HNRNPC: variants seen among roughly 807,000 people sequenced by gnomAD.
HNRNPC encodes the protein heterogeneous nuclear ribonucleoproteins C1/C2.
HNRNPC carries 3 observed loss-of-function variants against 33.2 expected under a neutral mutation model. The ratio of observed to expected loss-of-function variants is 0.09; its 90% CI spans 0.04 to 0.23. The LOEUF (loss-of-function observed/expected upper bound fraction) is 0.23, where lower values mean the gene tolerates loss of function less well. Ranked by LOEUF, HNRNPC falls within the 10% of genes least tolerant of loss-of-function variation. HNRNPC has a pLI of 1.00. For synonymous variants in HNRNPC, 121 were observed against 126.7 expected (o/e 0.96, Z 0.30); for missense variants, 143 against 366.7 (o/e 0.39, Z 4.98).
At chr14:21,266,877 G>A (rs1879073136) in intron 1 of HNRNPC, among the ~76,000 whole-genome samples, 1 of 149,718 alleles carries the variant, frequency 6.7e-6, no homozygotes, top group South Asian at 2.1e-4. Context: ...GACTCCCTGA[G>A]CTCAGGAGTT....
Position 21,234,167 on chromosome 14 carries a change from T to A in HNRNPC, c.27A>T (p.Thr9=). MASNVTNK[T]DPRSMNSRVF... ...CACGGGAGTTCATGGAGCGAGGATC[T>A]GTCTTGTTGGTAACGTTGCTGGCCA... The change falls in exon 3 of 9, where the codon ACA becomes ACT. Residue 9 remains threonine, a synonymous_variant. Coordinates refer to ENST00000553300, the MANE Select transcript of HNRNPC (RefSeq NM_004500.4). 2 of 1,614,132 alleles carry A rather than the reference T, an allele frequency of 1.2e-6. No individual in the cohort carries two copies. The highest frequency in any genetic ancestry group is 1.7e-6 in the Non-Finnish European group (2 of 1,180,000).
In HNRNPC at chr14:21,239,957, T is replaced by C. The variant is rs866732656; in HGVS notation, c.-36-5728A>G. On this transcript the variant is annotated intron_variant, in intron 2 of 8. Coordinates refer to ENST00000553300, the MANE Select transcript of HNRNPC (RefSeq NM_004500.4). ...ACACACATGGACAAATGCGTTTGTATATTATATACTATAATTTCATTACAG... is the reference window on the plus strand; with the variant it reads ...ACACACATGGACAAATGCGTTTGTACATTATATACTATAATTTCATTACAG... Among the ~76,000 whole-genome samples, 13 of 152,330 alleles carry C rather than the reference T, an allele frequency of 8.5e-5. No homozygotes were observed. In the South Asian group the frequency reaches 1.7e-3, roughly 19 times the overall value.
In HNRNPC at chr14:21,219,122, A is replaced by AAAAAG. The variant is rs771795365; in HGVS notation, c.366-6006_366-6005insCTTTT. Among the ~76,000 whole-genome samples, 205 of 150,480 alleles carry AAAAAG rather than the reference A, an allele frequency of 1.4e-3. 2 individuals carry two copies. Among genetic ancestry groups the AAAAAG allele is most frequent in the African/African-American group, 4.6e-3 (189 of 41,034 alleles). ...AGACTCTTTCTCAAAAAAAAAAAAA[A>AAAAAG]AAGAAGAAAAAGAAAGGGGAAAAAA... is the stretch of plus-strand genomic sequence containing the variant. On this transcript the variant is annotated intron_variant, in intron 5 of 8. Transcript: ENST00000553300.
intron 2 of HNRNPC, among the ~76,000 whole-genome samples, chr14:21,248,785 T>C (rs1341943726): frequency 6.6e-6 from 1 of 152,246 alleles, no homozygotes; most frequent in African/African-American, 2.4e-5. Context: ...CCATACTGCA[T>C]TTCCAGAAAA....
At chr14:21,255,107 T>C (rs917087299) in intron 2 of HNRNPC, among the ~76,000 whole-genome samples, 2 of 152,164 alleles carry the variant, frequency 1.3e-5, no homozygotes, top group Admixed American at 6.6e-5. Context: ...GACAATGCAT[T>C]ATGAATAGTT....
At chr14:21,251,641 C>T (rs10658793) in intron 2 of HNRNPC, among the ~76,000 whole-genome samples, 23,236 of 151,748 alleles carry the variant, frequency 0.15, 2,260 homozygotes, top group South Asian at 0.23. Context: ...AAGACTGCGC[C>T]GCTGCACTCC....
intron 2 of HNRNPC, among the ~76,000 whole-genome samples, chr14:21,260,575 TC>T (rs1191258957): frequency 1.3e-5 from 2 of 151,756 alleles, no homozygotes; most frequent in African/African-American, 4.8e-5. Context: ...TCCCAAAACT[TC>T]AGGAGGCTGA....
At chr14:21,248,931 A>T (rs1270272843) in intron 2 of HNRNPC, among the ~76,000 whole-genome samples, 1 of 152,138 alleles carries the variant, frequency 6.6e-6, no homozygotes, top group Non-Finnish European at 1.5e-5. Flanking sequence ...CCTGACAATG[A>T]GTACAAATTA....
At chr14:21,263,225 ATAAG>A (rs1368467407) in intron 2 of HNRNPC, 82 bp downstream of exon 2, 4 of 152,562 alleles carry the variant, frequency 2.6e-5, no homozygotes, top group African/African-American at 4.8e-5. Context: ...TATAATAATA[ATAAG>A]TAATAGTAAC....
Position 21,211,856 on chromosome 14 carries a change from G to T in HNRNPC, c.591C>A (p.Leu197=), listed in dbSNP as rs1566591331. 2 of 1,612,998 alleles carry T rather than the reference G, an allele frequency of 1.2e-6. No homozygotes were observed. Among genetic ancestry groups the T allele is most frequent in the Non-Finnish European group, 1.7e-6 (2 of 1,179,956 alleles). Residue 197 remains leucine (L), a synonymous_variant, in exon 7 of 9, where the codon CTC becomes CTA. Coordinates refer to ENST00000553300, the MANE Select transcript of HNRNPC (RefSeq NM_004500.4). ...LTQIKQKVDS[L]LENLEKIEKE... ...TTTCAATTTTTTCCAGGTTTTCCAG[G>T]AGAGAATCCACTTTTTGTTTTATCT...
intron 5 of HNRNPC, among the ~76,000 whole-genome samples, chr14:21,220,540 T>C (rs920423538): frequency 6.6e-6 from 1 of 152,206 alleles, no homozygotes; most frequent in African/African-American, 2.4e-5. Context: ...CTATTTCTTA[T>C]TATAGTATTC....
chr14:21,256,910 T>TC (rs1483896145), intron 2 of HNRNPC, among the ~76,000 whole-genome samples: 2 of 152,106 alleles, frequency 1.3e-5, no homozygotes, highest in Non-Finnish European at 2.9e-5. Context: ...TCCCTCAGCC[T>TC]CCCAAAGTGC....
intron 2 of HNRNPC, among the ~76,000 whole-genome samples, chr14:21,255,972 A>G (rs749272873): frequency 5.3e-5 from 8 of 152,220 alleles, no homozygotes; most frequent in Non-Finnish European, 1.0e-4. Context: ...GAAAAGCCCT[A>G]AAGTGGAAAC....
At chr14:21,233,061 A>G (rs1336675208) in intron 3 of HNRNPC, among the ~76,000 whole-genome samples, 1 of 152,104 alleles carries the variant, frequency 6.6e-6, no homozygotes, top group East Asian at 1.9e-4. Context: ...GACTGAATAT[A>G]TTGTCTATTT....
chr14:21,230,170 C>A (rs908159100), intron 5 of HNRNPC, 149 bp downstream of exon 5: 1 of 526,662 alleles, frequency 1.9e-6, no homozygotes, highest in Non-Finnish European at 3.5e-6. Context: ...TAATAATCTA[C>A]TTAATGATTT....
intron 2 of HNRNPC, among the ~76,000 whole-genome samples, chr14:21,240,408 T>C (rs1400264964): frequency 2.6e-5 from 4 of 152,228 alleles, no homozygotes; most frequent in Non-Finnish European, 2.9e-5. Context: ...TGAAAATATA[T>C]TTATAAAAAT....
At chr14:21,223,060 G>C (rs557927848) in intron 5 of HNRNPC, among the ~76,000 whole-genome samples, 4 of 152,116 alleles carry the variant, frequency 2.6e-5, no homozygotes, top group African/African-American at 9.7e-5. Flanking sequence ...CAAAAAAAGA[G>C]CCCGGCGTGG....
At chr14:21,247,405 A>C (rs1207206356) in intron 2 of HNRNPC, among the ~76,000 whole-genome samples, 4 of 152,174 alleles carry the variant, frequency 2.6e-5, no homozygotes, top group African/African-American at 7.2e-5. Flanking sequence ...CTTCAATACA[A>C]AAGTTTTTCG....
chr14:21,251,388 A>C (rs1369744973), intron 2 of HNRNPC, among the ~76,000 whole-genome samples: 1 of 151,950 alleles, frequency 6.6e-6, no homozygotes, highest in Non-Finnish European at 1.5e-5. Context: ...TCTGGTCTAC[A>C]ATGCTTGCAG....
Sources: gnomAD v4.1 joint callset for allele counts (sites outside exome capture counted in the v4.1 genomes callset) on GRCh38, gnomAD v4.1.1 for gene constraint, MANE v1.5 for transcripts, NCBI Gene and HGNC (gene_info 2026-07-23, HGNC 2026-07-21) for gene names.